CDH18: variants seen among roughly 807,000 people sequenced by gnomAD.
CDH18 encodes cadherin-18.
CDH18 carries 31 observed loss-of-function variants against 67.9 expected under a neutral mutation model. The ratio of observed to expected loss-of-function variants is 0.46; its 90% CI spans 0.34 to 0.62. CDH18 has a LOEUF of 0.62. Ranked by LOEUF, CDH18 falls within the 20% of genes least tolerant of loss-of-function variation. The pLI is 0.01. For synonymous variants in CDH18, 362 were observed against 347.2 expected, an observed-to-expected ratio of 1.04 and a Z score of -0.48; for missense variants, 890 against 975.5, an observed-to-expected ratio of 0.91 and a Z score of 1.17.
intron 1 of CDH18, among the ~76,000 whole-genome samples, chr5:20,361,925 T>C (rs1297777018): frequency 6.6e-6 from 1 of 152,134 alleles, no homozygotes; most frequent in Non-Finnish European, 1.5e-5. Flanking sequence ...AGAATATCAG[T>C]AAACGTTTAG....
intron 7 of CDH18, among the ~76,000 whole-genome samples, chr5:19,575,310 T>G (rs551509613): frequency 1.3e-5 from 2 of 152,180 alleles, no homozygotes; most frequent in South Asian, 4.1e-4. Flanking sequence ...TATTCCAACA[T>G]TCACCATGGT....
chr5:19,894,435 A>G (rs565892602), intron 2 of CDH18, among the ~76,000 whole-genome samples: 19 of 152,172 alleles, frequency 1.2e-4, no homozygotes, highest in Admixed American at 3.3e-4. Context: ...AACAAATGGC[A>G]TATTAAGAAA....
At chr5:20,335,181 A>AT (rs1739609449) in intron 1 of CDH18, among the ~76,000 whole-genome samples, 1 of 151,882 alleles carries the variant, frequency 6.6e-6, no homozygotes, top group Admixed American at 6.6e-5. Flanking sequence ...TTGATGCTTC[A>AT]TCACTCTTCC....
At chr5:19,750,765 C>G (rs999932469) in intron 3 of CDH18, among the ~76,000 whole-genome samples, 7 of 138,036 alleles carry the variant, frequency 5.1e-5, no homozygotes, top group Admixed American at 1.4e-4. Context: ...GTGAAGCCCC[C>G]CCCCCCCCAC....
chr5:20,253,368 A>C (rs1744002841), intron 2 of CDH18, among the ~76,000 whole-genome samples: 1 of 152,150 alleles, frequency 6.6e-6, no homozygotes, highest in Admixed American at 6.5e-5. Context: ...CTTATCTCTA[A>C]ACATGTCCAC....
At chr5:19,506,164 T>A (rs937771775) in intron 10 of CDH18, among the ~76,000 whole-genome samples, 1 of 152,020 alleles carries the variant, frequency 6.6e-6, no homozygotes, top group African/African-American at 2.4e-5. Context: ...CACAATTGCT[T>A]CAAAGAGAAT....
intron 3 of CDH18, among the ~76,000 whole-genome samples, chr5:19,802,537 T>C (rs909043502): frequency 6.6e-6 from 1 of 152,158 alleles, no homozygotes; most frequent in Non-Finnish European, 1.5e-5. Context: ...AATTCAAATA[T>C]GTTAAAATTT....
intron 12 of CDH18, among the ~76,000 whole-genome samples, chr5:19,482,550 A>C (rs2126585749): frequency 6.6e-6 from 1 of 152,278 alleles, no homozygotes; most frequent in East Asian, 1.9e-4. Flanking sequence ...AACTAGTAGA[A>C]GTTTCTACAA....
intron 2 of CDH18, among the ~76,000 whole-genome samples, chr5:19,999,643 A>T (rs1397884880): frequency 6.6e-6 from 1 of 152,148 alleles, no homozygotes; most frequent in African/African-American, 2.4e-5. Flanking sequence ...AATAATAATA[A>T]TTCTGGACAC....
chr5:19,960,736 C>T (rs186096145), intron 2 of CDH18, among the ~76,000 whole-genome samples: 3 of 122,600 alleles, frequency 2.4e-5, no homozygotes, highest in Admixed American at 7.7e-5. Flanking sequence ...TACGTATATA[C>T]GTATACACGT....
intron 2 of CDH18, among the ~76,000 whole-genome samples, chr5:20,124,977 T>C (rs985572070): frequency 3.3e-5 from 5 of 152,252 alleles, no homozygotes; most frequent in Admixed American, 6.5e-5. Flanking sequence ...TGTATGAGGA[T>C]TGCAGGAGTT....
At chr5:19,720,938 A>G (rs1000102374) in intron 5 of CDH18, among the ~76,000 whole-genome samples, 7 of 152,316 alleles carry the variant, frequency 4.6e-5, no homozygotes, top group South Asian at 2.1e-4. Context: ...AGCAAAATCA[A>G]TGTAGGAAAA....
chr5:20,397,188 T>C (rs1745353722), intron 1 of CDH18, among the ~76,000 whole-genome samples: 1 of 152,148 alleles, frequency 6.6e-6, no homozygotes, highest in African/African-American at 2.4e-5. Context: ...TGGAGTGCAG[T>C]GGTACGATCT....
intron 2 of CDH18, among the ~76,000 whole-genome samples, chr5:20,107,821 T>G (rs1017853328): frequency 4.6e-5 from 7 of 152,168 alleles, no homozygotes; most frequent in South Asian, 2.1e-4. Context: ...ATGTGCAGGT[T>G]TGTTACATAT....
At chr5:20,382,167 A>G (rs1216220451) in intron 1 of CDH18, among the ~76,000 whole-genome samples, 4 of 152,190 alleles carry the variant, frequency 2.6e-5, no homozygotes, top group Non-Finnish European at 5.9e-5. Context: ...AATACCAGAT[A>G]GAGCAGAATT....
At chr5:20,170,736 T>C (rs754536334) in intron 2 of CDH18, among the ~76,000 whole-genome samples, 3 of 152,244 alleles carry the variant, frequency 2.0e-5, no homozygotes, top group Non-Finnish European at 4.4e-5. Flanking sequence ...CAGGGGTACA[T>C]GTGCAGGTTT....
At chr5:20,257,597 G>A (rs918573105) in intron 1 of CDH18, among the ~76,000 whole-genome samples, 2 of 151,994 alleles carry the variant, frequency 1.3e-5, no homozygotes, top group East Asian at 1.9e-4. Flanking sequence ...TCTGACAAAA[G>A]AAAATTAAGT....
intron 1 of CDH18, among the ~76,000 whole-genome samples, chr5:20,281,444 G>A (rs1331073739): frequency 6.6e-6 from 1 of 152,064 alleles, no homozygotes; most frequent in Non-Finnish European, 1.5e-5. Flanking sequence ...AGTTTTCCCA[G>A]CACCATTTAT....
chr5:20,060,071 T>C (rs1470456429), intron 2 of CDH18, among the ~76,000 whole-genome samples: 2 of 152,120 alleles, frequency 1.3e-5, no homozygotes, highest in Non-Finnish European at 2.9e-5. Context: ...ACGTGTATAC[T>C]TGTGTAACAA....
Sources: allele counts gnomAD v4.1 joint callset (sites outside exome capture counted in the v4.1 genomes callset), GRCh38; gene constraint gnomAD v4.1.1; transcripts MANE v1.5; gene names NCBI Gene and HGNC (gene_info 2026-07-23, HGNC 2026-07-21).